Variants in ADAMTSL3 observed in about 807,000 individuals in gnomAD.
The protein encoded by ADAMTSL3 is ADAMTS like 3.
Under a neutral mutation model 201.7 loss-of-function variants are expected in ADAMTSL3, and 128 were observed. The observed-to-expected ratio is 0.63, with a 90% CI of 0.55 to 0.73. The LOEUF is 0.73. Among genes scored for constraint, ADAMTSL3 ranks in the 30% least tolerant of loss-of-function variants. ADAMTSL3 has a pLI of 0.00. For missense variants in ADAMTSL3, 1,990 were observed against 2,119.6 expected (o/e 0.94, Z 1.20); for synonymous variants, 738 against 748.4 (o/e 0.99, Z 0.23).
chr15:83,941,652 G>A (rs1399455041), intron 17 of ADAMTSL3, among the ~76,000 whole-genome samples: 2 of 152,030 alleles, frequency 1.3e-5, no homozygotes, highest in Non-Finnish European at 2.9e-5. Flanking sequence ...TGTATGAATG[G>A]ACAGTTATTT....
intron 17 of ADAMTSL3, among the ~76,000 whole-genome samples, chr15:83,933,060 A>G (rs2066391776): frequency 1.3e-5 from 2 of 152,262 alleles, no homozygotes; most frequent in South Asian, 4.1e-4. Context: ...TTGGTCAAAA[A>G]TGGTCAAATA....
chr15:83,727,732 T>A (rs1185792176), intron 3 of ADAMTSL3, among the ~76,000 whole-genome samples: 2 of 152,118 alleles, frequency 1.3e-5, no homozygotes, highest in African/African-American at 4.8e-5. Context: ...GAGAAGATAC[T>A]TGATATGATT....
intron 7 of ADAMTSL3, among the ~76,000 whole-genome samples, chr15:83,846,673 G>A (rs1485504326): frequency 2.0e-5 from 3 of 152,188 alleles, no homozygotes; most frequent in Non-Finnish European, 4.4e-5. Flanking sequence ...ATTTTGAGGG[G>A]TAAATCTGGG....
intron 5 of ADAMTSL3, among the ~76,000 whole-genome samples, chr15:83,816,527 G>A (rs1324814990): frequency 7.9e-5 from 12 of 152,218 alleles, no homozygotes; most frequent in Non-Finnish European, 1.5e-4. Flanking sequence ...GAGAATGCTT[G>A]CCATTGAGCC....
rs577706665 is a variant in ADAMTSL3 at position 83,754,154 on chromosome 15, C to G, written c.190-19369C>G. Among the ~76,000 whole-genome samples, 6 of 152,320 alleles carry G rather than the reference C, an allele frequency of 3.9e-5. No individual in the cohort carries two copies. The South Asian group carries it at 1.2e-3, about 32-fold the overall frequency. On this transcript the variant is annotated intron_variant, in intron 3 of 29. Transcript: ENST00000286744. ...CCATTAATGCCAGTAGCACCTCCCT[C>G]TCCTCAGTTGCAACAACCATAAATG...
At chr15:83,797,336 G>A (rs558941173) in intron 4 of ADAMTSL3, among the ~76,000 whole-genome samples, 2 of 152,278 alleles carry the variant, frequency 1.3e-5, no homozygotes, top group African/African-American at 2.4e-5. Flanking sequence ...AATGAGGCTG[G>A]GTGTGGTGGC....
intron 2 of ADAMTSL3, among the ~76,000 whole-genome samples, chr15:83,700,724 A>G (rs960223687): frequency 2.0e-5 from 3 of 152,164 alleles, no homozygotes; most frequent in African/African-American, 7.2e-5. Flanking sequence ...AAATCACGTC[A>G]CTCAATTCCA....
chr15:84,013,263 C>T (rs955068965), intron 23 of ADAMTSL3, among the ~76,000 whole-genome samples: 6 of 152,220 alleles, frequency 3.9e-5, no homozygotes, highest in African/African-American at 1.4e-4. Flanking sequence ...CAATGACTGC[C>T]TCCCAGGAAA....
chr15:83,909,305 G>C (rs979818640), intron 15 of ADAMTSL3, among the ~76,000 whole-genome samples: 1 of 152,124 alleles, frequency 6.6e-6, no homozygotes, highest in Non-Finnish European at 1.5e-5. Context: ...ACTTGCAGGG[G>C]TGAGGAGCCA....
At chr15:83,730,256 G>T (rs1464149041) in intron 3 of ADAMTSL3, among the ~76,000 whole-genome samples, 1 of 152,078 alleles carries the variant, frequency 6.6e-6, no homozygotes, top group Non-Finnish European at 1.5e-5. Context: ...CATTATAGAA[G>T]GCACTGGATC....
intron 20 of ADAMTSL3, among the ~76,000 whole-genome samples, chr15:83,971,535 C>A (rs1004640690): frequency 7.9e-6 from 1 of 126,040 alleles, no homozygotes; most frequent in East Asian, 2.3e-4. Context: ...CCAGCCTGGG[C>A]GACAGAGTGT....
intron 4 of ADAMTSL3, among the ~76,000 whole-genome samples, chr15:83,798,653 A>G (rs1223957448): frequency 6.6e-6 from 1 of 152,042 alleles, no homozygotes; most frequent in Non-Finnish European, 1.5e-5. Flanking sequence ...TAAAAATACA[A>G]AAATTAGCCA....
chr15:83,924,132 A>T, intron 17 of ADAMTSL3, 99 bp downstream of exon 17: 1 of 1,457,004 alleles, frequency 6.9e-7, no homozygotes, highest in Non-Finnish European at 9.3e-7. Flanking sequence ...GCTTCACCCA[A>T]GGTAGATGTG....
At chr15:83,753,389 A>G (rs936908203) in intron 3 of ADAMTSL3, among the ~76,000 whole-genome samples, 6 of 152,318 alleles carry the variant, frequency 3.9e-5, no homozygotes, top group East Asian at 1.9e-4. Flanking sequence ...GCAGACCACC[A>G]ACCAATCCCA....
intron 2 of ADAMTSL3, among the ~76,000 whole-genome samples, chr15:83,680,077 G>GT (rs2061456715): frequency 6.6e-6 from 1 of 152,200 alleles, no homozygotes; most frequent in Non-Finnish European, 1.5e-5. Context: ...TTTGGCTGAT[G>GT]TAAGGGGGTT....
intron 7 of ADAMTSL3, among the ~76,000 whole-genome samples, chr15:83,849,062 G>A (rs1464391122): frequency 6.6e-6 from 1 of 152,164 alleles, no homozygotes; most frequent in Non-Finnish European, 1.5e-5. Flanking sequence ...AACAAATCTA[G>A]GTGTCCCAGA....
chr15:83,834,926 C>T (rs534573662), intron 6 of ADAMTSL3, among the ~76,000 whole-genome samples: 59 of 152,112 alleles, frequency 3.9e-4, no homozygotes, highest in Non-Finnish European at 7.9e-4. Context: ...ACACTTCAGG[C>T]AATTTTTTAG....
At chr15:83,824,390 C>T (rs1309100101) in intron 6 of ADAMTSL3, among the ~76,000 whole-genome samples, 2 of 152,086 alleles carry the variant, frequency 1.3e-5, no homozygotes, top group Non-Finnish European at 2.9e-5. Flanking sequence ...ATAGGACCCC[C>T]CTGCTTCCTT....
In ADAMTSL3 at chr15:83,937,245, A is replaced by G. The variant is rs1596440302; in HGVS notation, c.2118-5351A>G. On this transcript the variant is annotated intron_variant, in intron 17 of 29. Coordinates refer to ENST00000286744, the MANE Select transcript of ADAMTSL3 (RefSeq NM_207517.3). ...CGCAGCACTATTCACAATAGCAAAGACATGAAATCAATGTAAATACGCATC... is the reference window on the plus strand; with the variant it reads ...CGCAGCACTATTCACAATAGCAAAGGCATGAAATCAATGTAAATACGCATC... 2.0e-5 allele frequency among the ~76,000 whole-genome samples: 3 copies of G among 150,992 alleles called. 1 individual carries two copies. The highest frequency in any genetic ancestry group is 7.4e-5 in the African/African-American group (3 of 40,294).
Sources: allele counts gnomAD v4.1 joint callset (sites outside exome capture counted in the v4.1 genomes callset), GRCh38; gene constraint gnomAD v4.1.1; transcripts MANE v1.5; gene names NCBI Gene and HGNC (gene_info 2026-07-23, HGNC 2026-07-21).